WWOX: variants seen among roughly 807,000 people sequenced by gnomAD.
WWOX encodes the protein WW domain containing oxidoreductase.
In WWOX, 69 loss-of-function variants were observed where a neutral mutation model predicts 46.2. The observed-to-expected ratio is 1.49, with a 90% confidence interval of 1.23 to 1.82. The LOEUF is 1.82. Among genes scored for constraint, WWOX ranks in the 40% most tolerant of loss-of-function variants. The pLI, the probability that WWOX is intolerant of heterozygous loss-of-function variation, is 0.00. For missense variants in WWOX, 919 were observed against 542.6 expected, an observed-to-expected ratio of 1.69 and a Z score of -6.89; for synonymous variants, 359 against 202.6, an observed-to-expected ratio of 1.77 and a Z score of -6.56.
At chr16:79,009,956 GC>G (rs1407444525) in intron 8 of WWOX, among the ~76,000 whole-genome samples, 2 of 152,168 alleles carry the variant, frequency 1.3e-5, no homozygotes, top group African/African-American at 4.8e-5. Context: ...GTGACCTTGG[GC>G]AAGTCATTGA....
At chr16:78,944,873 T>A (rs1311756224) in intron 8 of WWOX, among the ~76,000 whole-genome samples, 1 of 151,926 alleles carries the variant, frequency 6.6e-6, no homozygotes, top group African/African-American at 2.4e-5. Flanking sequence ...GAAGGGAGAT[T>A]CTAATTGAAA....
chr16:78,353,656 T>A (rs955291308), intron 5 of WWOX, among the ~76,000 whole-genome samples: 2 of 152,368 alleles, frequency 1.3e-5, no homozygotes, highest in East Asian at 3.9e-4. Flanking sequence ...AGTAATATTA[T>A]GAAGATTAGA....
Position 78,694,778 on chromosome 16 carries a change from G to T in WWOX, c.1056+262026G>T, listed in dbSNP as rs542221693. On this transcript the variant is annotated intron_variant, in intron 8 of 8. Transcript: ENST00000566780. ...ATATCAACTATTACAGCTTTTTGAA[G>T]TTACTCTTCCTGCTCTTGATTTAAG... is the stretch of plus-strand genomic sequence containing the variant. Among the ~76,000 whole-genome samples the T allele has an allele frequency of 4.0e-5, 6 of 151,700 alleles. No homozygotes were observed. In the South Asian group the frequency reaches 1.2e-3, roughly 32 times the overall value.
intron 8 of WWOX, among the ~76,000 whole-genome samples, chr16:79,027,062 G>A (rs1032857639): frequency 4.6e-5 from 7 of 151,562 alleles, no homozygotes; most frequent in African/African-American, 1.2e-4. Flanking sequence ...GGAGGATCAC[G>A]TGAGCCCAGC....
At chr16:78,814,036 C>T (rs562980336) in intron 8 of WWOX, among the ~76,000 whole-genome samples, 1 of 152,256 alleles carries the variant, frequency 6.6e-6, no homozygotes, top group Admixed American at 6.5e-5. Flanking sequence ...TCTTTTCTTT[C>T]CTTGCTGAAT....
At chr16:78,356,856 T>A (rs2081305772) in intron 5 of WWOX, among the ~76,000 whole-genome samples, 2 of 152,266 alleles carry the variant, frequency 1.3e-5, no homozygotes, top group South Asian at 4.1e-4. Flanking sequence ...CACTCCAGCC[T>A]GGCAGACAGA....
chr16:78,767,700 T>A (rs535065150), intron 8 of WWOX, among the ~76,000 whole-genome samples: 1 of 152,242 alleles, frequency 6.6e-6, no homozygotes, highest in African/African-American at 2.4e-5. Flanking sequence ...TGCATCAGGA[T>A]TCTAGTTGCT....
At chr16:79,089,131 C>T (rs942818906) in intron 8 of WWOX, among the ~76,000 whole-genome samples, 22 of 151,978 alleles carry the variant, frequency 1.4e-4, no homozygotes, top group Non-Finnish European at 2.9e-4. Context: ...TCAGGAAGGC[C>T]GCATATGGTG....
intron 8 of WWOX, chr16:79,202,562 A>T (rs1363754180): frequency 6.6e-6 from 1 of 152,300 alleles, no homozygotes; most frequent in African/African-American, 2.4e-5. Context: ...GGAGAAGGTC[A>T]GAGCTGGAGT....
intron 8 of WWOX, among the ~76,000 whole-genome samples, chr16:79,025,804 C>CT (rs60681938): frequency 9.6e-5 from 10 of 104,086 alleles, no homozygotes; most frequent in East Asian, 3.3e-4. Context: ...TGCTTGCTTG[C>CT]TTTTTTTTTT....
At chr16:78,745,312 C>G (rs982164995) in intron 8 of WWOX, among the ~76,000 whole-genome samples, 4 of 152,168 alleles carry the variant, frequency 2.6e-5, no homozygotes, top group African/African-American at 9.7e-5. Context: ...CTTCCTCCAC[C>G]TCTGCCTTCA....
chr16:79,120,981 C>T (rs1267636892), intron 8 of WWOX, among the ~76,000 whole-genome samples: 1 of 152,176 alleles, frequency 6.6e-6, no homozygotes, highest in Admixed American at 6.5e-5. Context: ...GTTGGCCAGG[C>T]TGGTTTCGAA....
At chr16:78,895,087 T>G (rs996952050) in intron 8 of WWOX, among the ~76,000 whole-genome samples, 4 of 152,186 alleles carry the variant, frequency 2.6e-5, no homozygotes, top group African/African-American at 9.7e-5. Context: ...GGTTTCTGCC[T>G]TCAATGTTTC....
intron 8 of WWOX, among the ~76,000 whole-genome samples, chr16:78,547,414 T>G (rs1451544837): frequency 1.3e-5 from 2 of 152,188 alleles, no homozygotes; most frequent in Non-Finnish European, 2.9e-5. Flanking sequence ...TGCACCCAAA[T>G]GCCAGGTTTC....
At chr16:78,187,437 A>G (rs557634601) in intron 5 of WWOX, among the ~76,000 whole-genome samples, 2 of 152,178 alleles carry the variant, frequency 1.3e-5, no homozygotes, top group Non-Finnish European at 2.9e-5. Flanking sequence ...ACCAGTCTCT[A>G]CTAAAAATAC....
At chr16:78,702,041 AT>A (rs1567501728) in intron 8 of WWOX, among the ~76,000 whole-genome samples, 1,301 of 127,472 alleles carry the variant, frequency 0.01, 15 homozygotes, top group Non-Finnish European at 0.015. Flanking sequence ...ATATATATAT[AT>A]ATAAAATAAT....
intron 8 of WWOX, among the ~76,000 whole-genome samples, chr16:78,811,494 T>A (rs752988604): frequency 2.4e-4 from 37 of 151,750 alleles, no homozygotes; most frequent in Non-Finnish European, 2.2e-4. Context: ...TCTCCCTCCC[T>A]CTTTCTTTTC....
intron 4 of WWOX, among the ~76,000 whole-genome samples, chr16:78,126,956 C>A (rs918795527): frequency 6.6e-6 from 1 of 152,156 alleles, no homozygotes; most frequent in Non-Finnish European, 1.5e-5. Flanking sequence ...TTTGATGAGC[C>A]TGCTTTCAGG....
chr16:78,991,698 C>T (rs10492907), intron 8 of WWOX, among the ~76,000 whole-genome samples: 129,810 of 151,540 alleles, frequency 0.86, 55,652 homozygotes, highest in Middle Eastern at 0.91. Flanking sequence ...CTTTCCTATA[C>T]AACGCAAGCC....
Sources: allele counts gnomAD v4.1 joint callset (sites outside exome capture counted in the v4.1 genomes callset), GRCh38; gene constraint gnomAD v4.1.1; transcripts MANE v1.5; gene names NCBI Gene and HGNC (gene_info 2026-07-23, HGNC 2026-07-21).